PIEZO2: variants seen among roughly 807,000 people sequenced by gnomAD.
The protein encoded by PIEZO2 is piezo type mechanosensitive ion channel component 2.
Under a neutral mutation model 337.3 loss-of-function variants are expected in PIEZO2, and 172 were observed. The observed-to-expected ratio is 0.51, with a 90% CI of 0.45 to 0.58. The LOEUF is 0.58. PIEZO2 is among the 20% of genes least tolerant of loss of function. The pLI, the probability that PIEZO2 is intolerant of heterozygous loss-of-function variation, is 0.00. For missense variants in PIEZO2, 3,028 were observed against 3,391.3 expected (o/e 0.89, Z 2.66); for synonymous variants, 1,251 against 1,228.5 (o/e 1.02, Z -0.38).
chr18:11,004,415 G>T (rs189136842), intron 2 of PIEZO2, among the ~76,000 whole-genome samples: 2 of 152,206 alleles, frequency 1.3e-5, no homozygotes, highest in Admixed American at 1.3e-4. Context: ...TTCTTTCAAA[G>T]GACTACATAT....
rs1288485932 is a variant in PIEZO2, at chr18:10,824,545, A to G, written c.918-17271T>C. Reference sequence around the variant, plus strand: ...TTTAGATTTCTAGATAACTTATGACATATATATGTATATTATGGAATACTA... The same window carrying G: ...TTTAGATTTCTAGATAACTTATGACGTATATATGTATATTATGGAATACTA... On this transcript the variant is annotated intron_variant, in intron 7 of 55. Coordinates refer to ENST00000674853, the MANE Select transcript of PIEZO2 (RefSeq NM_001378183.1). This position sits in a 1 kb window ranked among gnomAD's most constrained non-coding sequence, Gnocchi z 4.4. Among the ~76,000 whole-genome samples the G allele has an allele frequency of 6.6e-6, 1 of 152,202 alleles. No individual in the cohort carries two copies. The highest frequency in any genetic ancestry group is 1.5e-5 in the Non-Finnish European group (1 of 68,034).
chr18:10,784,159 T>C lies in PIEZO2; in HGVS notation c.2492+625A>G, dbSNP rs1426448528. On this transcript the variant is annotated intron_variant, in intron 17 of 55. Transcript: ENST00000674853. The surrounding 1 kb of genome is among the most constrained non-coding windows in gnomAD (Gnocchi z 4.5). ...ACAGTGAAGGATTTGTGATAACCCA[T>C]TGTGGTTTGAATAAATACGGGCAGG... is the stretch of plus-strand genomic sequence containing the variant. 1.3e-5 allele frequency among the ~76,000 whole-genome samples: 2 copies of C among 152,192 alleles called. No individual in the cohort carries two copies. Among genetic ancestry groups the C allele is most frequent in the African/African-American group, 2.4e-5 (1 of 41,456 alleles).
intron 36 of PIEZO2, among the ~76,000 whole-genome samples, chr18:10,721,640 C>T (rs573948249): frequency 6.6e-6 from 1 of 152,014 alleles, no homozygotes; most frequent in Non-Finnish European, 1.5e-5. Flanking sequence ...TCTATAGTTA[C>T]TAGACTCAAC....
intron 36 of PIEZO2, among the ~76,000 whole-genome samples, chr18:10,723,759 C>T (rs752516836): frequency 2.6e-4 from 40 of 152,086 alleles, no homozygotes; most frequent in Non-Finnish European, 5.3e-4. Flanking sequence ...CTTGGATGAC[C>T]ACTCGAAAGA....
At chr18:10,976,952 G>A (rs2034462575) in intron 3 of PIEZO2, among the ~76,000 whole-genome samples, 1 of 151,166 alleles carries the variant, frequency 6.6e-6, no homozygotes, top group Admixed American at 6.6e-5. Flanking sequence ...GAAGTGTCCA[G>A]GTATTGTGAC....
At position 11,116,432 on chromosome 18, in the gene PIEZO2, G is replaced by A. The variant is rs1438878643; in HGVS notation, c.64+32093C>T. Among the ~76,000 whole-genome samples the A allele has an allele frequency of 2.6e-5, 4 of 152,184 alleles. No individual in the cohort carries two copies. The highest frequency in any genetic ancestry group is 4.8e-5 in the African/African-American group (2 of 41,450). On this transcript the variant is annotated intron_variant, in intron 1 of 55. Transcript: ENST00000674853. This position sits in a 1 kb window ranked among gnomAD's most constrained non-coding sequence, Gnocchi z 5.0. ...TGGGTGTGAAAGAATGAAATTTGCA[G>A]GCCGGGCGCGGTGGCTCACGCCTGT...
At chr18:10,831,121 C>T (rs1324534884) in intron 7 of PIEZO2, among the ~76,000 whole-genome samples, 7 of 152,096 alleles carry the variant, frequency 4.6e-5, no homozygotes, top group Admixed American at 3.9e-4. Flanking sequence ...TACGGAGGTT[C>T]CTCAAAAAAA....
intron 3 of PIEZO2, among the ~76,000 whole-genome samples, chr18:10,946,731 G>T (rs1252977170): frequency 6.6e-6 from 1 of 152,084 alleles, no homozygotes; most frequent in African/African-American, 2.4e-5. Flanking sequence ...CTCAATAGGG[G>T]AACTACTTGG....
rs2034687384 is a variant in PIEZO2, at chr18:10,982,061, A to G, written c.161-2401T>C. ...CTTTAGCATTGGGGGTCAAATTTCAACATGAGACCTGTTGAGATGTCAAAC... is the reference window on the plus strand; with the variant it reads ...CTTTAGCATTGGGGGTCAAATTTCAGCATGAGACCTGTTGAGATGTCAAAC... On this transcript the variant is annotated intron_variant, in intron 2 of 55. Coordinates refer to ENST00000674853, the MANE Select transcript of PIEZO2 (RefSeq NM_001378183.1). This position sits in a 1 kb window ranked among gnomAD's most constrained non-coding sequence, Gnocchi z 4.1. Among the ~76,000 whole-genome samples, 1 of 152,164 alleles carries G rather than the reference A, an allele frequency of 6.6e-6. No individual in the cohort carries two copies. Among genetic ancestry groups the G allele is most frequent in the Admixed American group, 6.5e-5 (1 of 15,280 alleles).
At position 11,031,516 on chromosome 18, in the gene PIEZO2, T is replaced by C. The variant is rs2036737509; in HGVS notation, c.160+34611A>G. Among the ~76,000 whole-genome samples the C allele has an allele frequency of 6.6e-6, 1 of 152,236 alleles. No homozygotes were observed. Among genetic ancestry groups the C allele is most frequent in the African/African-American group, 2.4e-5 (1 of 41,464 alleles). ...CTGAATTTTATAACACTGGAACTTA[T>C]ACTATTTGATATTTTAATATTCTTC... is the stretch of plus-strand genomic sequence containing the variant. On this transcript the variant is annotated intron_variant, in intron 2 of 55. Coordinates refer to ENST00000674853, the MANE Select transcript of PIEZO2 (RefSeq NM_001378183.1). The surrounding 1 kb of genome is among the most constrained non-coding windows in gnomAD (Gnocchi z 4.7).
In PIEZO2 at chr18:11,027,974, C is replaced by A. The variant is rs2036593840; in HGVS notation, c.160+38153G>T. Among the ~76,000 whole-genome samples the A allele has an allele frequency of 6.6e-6, 1 of 152,224 alleles. No individual in the cohort carries two copies. The highest frequency in any genetic ancestry group is 1.5e-5 in the Non-Finnish European group (1 of 68,040). ...TTCAAACACTGTTTCTGAGAATGAT[C>A]TCACAGAACAGGAAGACCTGCTATT... On this transcript the variant is annotated intron_variant, in intron 2 of 55. Coordinates refer to ENST00000674853, the MANE Select transcript of PIEZO2 (RefSeq NM_001378183.1). The surrounding 1 kb of genome is among the most constrained non-coding windows in gnomAD (Gnocchi z 4.2).
In PIEZO2 at chr18:11,027,293, G is replaced by A. The variant is rs1223743093; in HGVS notation, c.160+38834C>T. Among the ~76,000 whole-genome samples, 7 of 152,146 alleles carry A rather than the reference G, an allele frequency of 4.6e-5. No individual in the cohort carries two copies. The highest frequency in any genetic ancestry group is 1.7e-4 in the African/African-American group (7 of 41,418). On this transcript the variant is annotated intron_variant, in intron 2 of 55. Transcript: ENST00000674853. The surrounding 1 kb of genome is among the most constrained non-coding windows in gnomAD (Gnocchi z 4.2). ...CCCTGAGTTCTGAGCTCCAGTCAAG[G>A]TATAACCGGGCTCTGCTGGACCTGT...
chr18:10,810,848 C>T (rs1188695186), intron 7 of PIEZO2, among the ~76,000 whole-genome samples: 1 of 152,128 alleles, frequency 6.6e-6, no homozygotes, highest in Non-Finnish European at 1.5e-5. Context: ...TAGGATAACA[C>T]CAGCCCCCAA....
Position 10,815,897 on chromosome 18 carries a change from A to G in PIEZO2, c.918-8623T>C, listed in dbSNP as rs2040349529. Among the ~76,000 whole-genome samples, 1 of 152,190 alleles carries G rather than the reference A, an allele frequency of 6.6e-6. No homozygotes were observed. The highest frequency in any genetic ancestry group is 6.5e-5 in the Admixed American group (1 of 15,284). ...GATGCTTGGTCCTCTCTTACAGTTC[A>G]GTTATTCGCTCCTTACAGGTCCACA... On this transcript the variant is annotated intron_variant, in intron 7 of 55. Coordinates refer to ENST00000674853, the MANE Select transcript of PIEZO2 (RefSeq NM_001378183.1). This position sits in a 1 kb window ranked among gnomAD's most constrained non-coding sequence, Gnocchi z 4.1.
intron 2 of PIEZO2, among the ~76,000 whole-genome samples, chr18:11,040,830 G>GA (rs2037094929): frequency 6.6e-6 from 1 of 152,042 alleles, no homozygotes; most frequent in Admixed American, 6.6e-5. Flanking sequence ...TCTCCTTTCT[G>GA]AAAAACATTC....
chr18:10,721,871 C>T (rs750317732), intron 36 of PIEZO2, among the ~76,000 whole-genome samples: 3 of 152,088 alleles, frequency 2.0e-5, no homozygotes, highest in Non-Finnish European at 4.4e-5. Context: ...AAATTTAAGA[C>T]GTAGCCAGGT....
intron 7 of PIEZO2, among the ~76,000 whole-genome samples, chr18:10,844,386 C>T (rs1243533131): frequency 6.8e-6 from 1 of 146,592 alleles, no homozygotes; most frequent in East Asian, 2.0e-4. Context: ...CACCACTGTG[C>T]TCCAGCCTGG....
rs1001962701 is a variant in PIEZO2 at position 10,821,183 on chromosome 18, G to A, written c.918-13909C>T. ...CAGCTCAGCAAGACCACCATGCTCA[G>A]TTTGGATTCCCTTCCCCACATAATG... On this transcript the variant is annotated intron_variant, in intron 7 of 55. Coordinates refer to ENST00000674853, the MANE Select transcript of PIEZO2 (RefSeq NM_001378183.1). The surrounding 1 kb of genome is among the most constrained non-coding windows in gnomAD (Gnocchi z 4.2). Among the ~76,000 whole-genome samples the A allele has an allele frequency of 6.6e-6, 1 of 152,058 alleles. No individual in the cohort carries two copies.
In PIEZO2 at chr18:10,855,380, G is replaced by A. The variant is rs1488085672; in HGVS notation, c.890C>T (p.Ala297Val). The A allele has an allele frequency of 1.3e-6, 2 of 1,536,624 alleles. No homozygotes were observed. Among genetic ancestry groups the A allele is most frequent in the African/African-American group, 1.4e-5 (1 of 73,150 alleles). Residue 297 changes from alanine (A) to valine (V), a missense_variant, in exon 7 of 56, where the codon GCA becomes GTA. By Grantham distance (64) the Ala-to-Val change is moderately conservative. Transcript: ENST00000674853. The surrounding 1 kb of genome is among the most constrained non-coding windows in gnomAD (Gnocchi z 4.9). ...TGCATAGTAGTCATTGGGTGGAACTGCCTCTTGAAAGAATTGGAACTGGTA... is the reference window on the plus strand; with the variant it reads ...TGCATAGTAGTCATTGGGTGGAACTACCTCTTGAAAGAATTGGAACTGGTA... ...YLYQFQFFQE[A>V]VPPNDYYARL...
Sources: gnomAD v4.1 joint callset for allele counts (sites outside exome capture counted in the v4.1 genomes callset) on GRCh38, gnomAD v4.1.1 for gene constraint, Gnocchi (gnomAD v3.1) non-coding constraint, MANE v1.5 for transcripts, NCBI Gene and HGNC (gene_info 2026-07-23, HGNC 2026-07-21) for gene names.